The following STAC3 variants were observed in gnomAD, a reference collection of about 807,000 sequenced individuals.
The protein encoded by STAC3 is SH3 and cysteine-rich domain-containing protein 3.
In STAC3, 30 loss-of-function variants were observed where a neutral mutation model predicts 48.5. That is an observed-to-expected ratio of 0.62 (90% CI 0.46 to 0.84). The LOEUF is 0.84. STAC3 is among the 40% of genes least tolerant of loss of function. STAC3 has a pLI of 0.00. For missense variants in STAC3, 419 were observed against 462.6 expected (o/e 0.91, Z 0.86); for synonymous variants, 144 against 158.6 (o/e 0.91, Z 0.69).
chr12:57,246,721 A>T, intron 6 of STAC3, 83 bp downstream of exon 6: 1 of 1,284,642 alleles, frequency 7.8e-7, no homozygotes, highest in Non-Finnish European at 1.1e-6. Context: ...ACAATCCATT[A>T]CTTCTGTCAG....
chr12:57,248,044 G>T, intron 5 of STAC3, 82 bp downstream of exon 5: 1 of 1,264,696 alleles, frequency 7.9e-7, no homozygotes, highest in Non-Finnish European at 1.2e-6. Context: ...TTCTGTTTCA[G>T]AATTTGGCTC....
Position 57,243,742 on chromosome 12 carries a change from C to G in STAC3, c.*70G>C, listed in dbSNP as rs187412499. The G allele has an allele frequency of 3.7e-4, 541 of 1,448,494 alleles. 7 individuals are homozygous for G. The East Asian group carries it at 0.011, about 30-fold the overall frequency. The allele number at this position is 1,448,494 out of a possible 1,614,324, so 89.7% of individuals were successfully genotyped here. On this transcript the variant is annotated 3_prime_UTR_variant, in exon 12 of 12. Transcript: ENST00000332782. ...CCAGCAGTCCCGTTGCTTTCGCCCC[C>G]CTCCCCAAACTCCACTGGGCCCGCC... is the stretch of plus-strand genomic sequence containing the variant.
At chr12:57,246,971 G>A in intron 5 of STAC3, 70 bp from the exon 6 acceptor site, 1 of 1,491,074 alleles carries the variant, frequency 6.7e-7, no homozygotes, top group Non-Finnish European at 9.3e-7. Flanking sequence ...AAGGAAGGGA[G>A]AGGTGGGATT....
chr12:57,244,482 C>G, intron 9 of STAC3, 55 bp downstream of exon 9: 2 of 1,612,760 alleles, frequency 1.2e-6, no homozygotes, highest in Non-Finnish European at 1.7e-6. Flanking sequence ...TTGGGGGAAC[C>G]CAGCTCTTTC....
chr12:57,248,652 C>T (rs1023359083), intron 4 of STAC3, 54 bp downstream of exon 4: 17 of 1,417,142 alleles, frequency 1.2e-5, no homozygotes, highest in South Asian at 1.0e-4. Context: ...GGATTACAGG[C>T]GTGAGCCACC....
intron 6 of STAC3, 42 bp from the exon 7 acceptor site, chr12:57,245,253 C>T (rs376632298): frequency 1.7e-5 from 27 of 1,570,302 alleles, no homozygotes; most frequent in Non-Finnish European, 2.3e-5. Context: ...GTCTTGGGAA[C>T]ACATGCCCTG....
rs1416258924 is a variant in STAC3 at position 57,248,184 on chromosome 12, A to G, written c.447T>C (p.His149=). 1.9e-6 allele frequency: 3 copies of G among 1,613,942 alleles called. No individual in the cohort carries two copies. The highest frequency in any genetic ancestry group is 2.5e-6 in the Non-Finnish European group (3 of 1,179,924). ...TGTAGAGTGGGGAACTATAGGCCCG[A>G]TGGAAACCAGGTGGCTGTAGGATGG... ...RCFGKIPPGF[H]RAYSSPLYSN... The change falls in exon 5 of 12, where the codon CAT becomes CAC. Residue 149 remains histidine (H), a synonymous_variant. Coordinates refer to ENST00000332782, the MANE Select transcript of STAC3 (RefSeq NM_145064.3).
At chr12:57,245,434 C>T (rs1357482274) in intron 6 of STAC3, among the ~76,000 whole-genome samples, 7 of 151,300 alleles carry the variant, frequency 4.6e-5, no homozygotes, top group Non-Finnish European at 1.0e-4. Context: ...TGCAGTGGCG[C>T]AATCTTGGCT....
intron 6 of STAC3, among the ~76,000 whole-genome samples, chr12:57,245,980 A>T (rs2037730216): frequency 1.3e-5 from 2 of 151,912 alleles, no homozygotes; most frequent in African/African-American, 4.8e-5. Flanking sequence ...ATGGTGGCAC[A>T]TGCCTGTAAT....
chr12:57,251,038 G>C lies in STAC3; in HGVS notation c.-47C>G, dbSNP rs1204856645. 1 of 408,964 alleles carries C rather than the reference G, an allele frequency of 2.4e-6. No homozygotes were observed. The highest frequency in any genetic ancestry group is 5.0e-6 in the Non-Finnish European group (1 of 201,562). 25.3% of individuals were successfully genotyped at this position (408,964 alleles called of 1,614,324 possible). A position where few individuals can be genotyped will look rare whatever the true frequency, so the allele number is the denominator to read the frequency against. On this transcript the variant is annotated 5_prime_UTR_variant, in exon 1 of 12. Coordinates refer to ENST00000332782, the MANE Select transcript of STAC3 (RefSeq NM_145064.3). ...GTCCACAGGCTGTAGAGGGAGCTGG[G>C]AGCCTCGAGGCCTTGATGGTGGTGC...
In STAC3 at chr12:57,244,532, C is replaced by G; in HGVS notation, c.806+5G>C. 1 of 1,614,236 alleles carries G rather than the reference C, an allele frequency of 6.2e-7. No homozygotes were observed. The highest frequency in any genetic ancestry group is 8.5e-7 in the Non-Finnish European group (1 of 1,180,040). On this transcript the variant is annotated splice_donor_5th_base_variant and intron_variant, in intron 9 of 11. Coordinates refer to ENST00000332782, the MANE Select transcript of STAC3 (RefSeq NM_145064.3). The stretch of plus-strand genomic sequence containing the variant: ...GTACCAGCCCCCTGCCCCAAGGCCT[C>G]TCACGGGAAATCCAGATCGTCCTTC...
intron 11 of STAC3, 22 bp from the exon 12 acceptor site, chr12:57,243,932 A>AGTAGGAGAGGAATCAAAGGAAAAG: frequency 6.2e-7 from 1 of 1,612,704 alleles, no homozygotes. Context: ...AAGGATCAGA[A>AGTAGGAGAGGAATCAAAGGAAAAG]GTAGGAGAGG....
At chr12:57,246,691 T>C in intron 6 of STAC3, 113 bp downstream of exon 6, 1 of 1,016,270 alleles carries the variant, frequency 9.8e-7, no homozygotes, top group South Asian at 1.4e-5. Flanking sequence ...TGGCCGAGTT[T>C]TGTGCAATTT....
At chr12:57,246,661 C>A in intron 6 of STAC3, 143 bp downstream of exon 6, 1 of 714,670 alleles carries the variant, frequency 1.4e-6, no homozygotes, top group South Asian at 1.6e-5. Context: ...GCTGGGATTA[C>A]AGGCGTGAGC....
intron 5 of STAC3, among the ~76,000 whole-genome samples, chr12:57,247,419 ATTATTATTAT>A (rs1422801266): frequency 1.7e-3 from 154 of 88,634 alleles, no homozygotes; most frequent in South Asian, 4.9e-3. Flanking sequence ...TATTATTATT[ATTATTATTAT>A]TTTTTTTTTT....
chr12:57,243,846 C>A lies in STAC3; in HGVS notation c.1061G>T (p.Gly354Val). The change falls in exon 12 of 12, where the codon GGG (glycine) becomes GTG (valine). Residue 354 changes from glycine to valine, a missense_variant. Transcript: ENST00000332782. Reference protein sequence around the residue: ...YVKVYTGRKVGLFPTDFLEEI With the variant: ...YVKVYTGRKVVLFPTDFLEEI ...CTCTAGAAAGTCGGTGGGAAACAGC[C>A]CCACCTTGCGGCCGGTGTAGACCTT... 6.2e-7 allele frequency: 1 copy of A among 1,614,102 alleles called. No homozygotes were observed. The highest frequency in any genetic ancestry group is 8.5e-7 in the Non-Finnish European group (1 of 1,180,008).
Position 57,244,090 on chromosome 12 carries a change from G to T in STAC3, c.994C>A (p.Gln332Lys). The T allele has an allele frequency of 6.2e-7, 1 of 1,614,084 alleles. No homozygotes were observed. The part of the protein sequence containing the change: ...EIGQITLKKD[Q>K]IVVQKGDEAG... Reference sequence around the variant, plus strand: ...ATTGGGTTGGGGCAACAGCCTACCTGGTCCTTCTTGAGAGTGATCTGCCCT... The same window carrying T: ...ATTGGGTTGGGGCAACAGCCTACCTTGTCCTTCTTGAGAGTGATCTGCCCT... Residue 332 changes from glutamine (Q) to lysine (K), a missense_variant and splice_region_variant, in exon 11 of 12, where the codon CAG becomes AAG. By Grantham distance (53) the Gln-to-Lys change is moderately conservative. Coordinates refer to ENST00000332782, the MANE Select transcript of STAC3 (RefSeq NM_145064.3).
At chr12:57,248,379 T>C in intron 4 of STAC3, 181 bp from the exon 5 acceptor site, 2 of 245,492 alleles carry the variant, frequency 8.1e-6, no homozygotes, top group South Asian at 1.6e-4. Flanking sequence ...TGTCCCCTCT[T>C]TTTTTTTTTT....
At position 57,243,733 on chromosome 12, in the gene STAC3, T is replaced by C; in HGVS notation, c.*79A>G. On this transcript the variant is annotated 3_prime_UTR_variant, in exon 12 of 12. Transcript: ENST00000332782. ...CCTCCTCTCCCAGCAGTCCCGTTGC[T>C]TTCGCCCCCCTCCCCAAACTCCACT... The C allele has an allele frequency of 1.5e-6, 2 of 1,372,862 alleles. No individual in the cohort carries two copies. The highest frequency in any genetic ancestry group is 2.1e-6 in the Non-Finnish European group (2 of 975,034). The allele number at this position is 1,372,862 out of a possible 1,614,324, so 85.0% of individuals were successfully genotyped here. A position where few individuals can be genotyped will look rare whatever the true frequency, so the allele number is the denominator to read the frequency against.
Sources: gnomAD v4.1 joint callset for allele counts (sites outside exome capture counted in the v4.1 genomes callset) on GRCh38, gnomAD v4.1.1 for gene constraint, MANE v1.5 for transcripts, NCBI Gene and HGNC (gene_info 2026-07-23, HGNC 2026-07-21) for gene names.